The following TENM2 variants were observed in gnomAD, a reference collection of about 807,000 sequenced individuals.
TENM2 encodes the protein teneurin-2.
A neutral mutation model predicts 245.2 loss-of-function variants in TENM2; 52 were observed. The observed-to-expected ratio is 0.21, with a 90% CI of 0.17 to 0.27. The LOEUF (loss-of-function observed/expected upper bound fraction) is 0.27. TENM2 is among the 10% of genes least tolerant of loss of function. TENM2 has a pLI of 1.00. For missense variants in TENM2, 3,046 were observed against 3,666.8 expected (o/e 0.83, Z 4.37); for synonymous variants, 1,363 against 1,438.9 (o/e 0.95, Z 1.19).
chr5:167,621,048 A>T (rs922053612), intron 2 of TENM2, among the ~76,000 whole-genome samples: 2 of 151,990 alleles, frequency 1.3e-5, no homozygotes, highest in Non-Finnish European at 2.9e-5. Flanking sequence ...GACAGGATGG[A>T]AAATACTTTG....
chr5:168,019,183 A>C (rs1785926500), intron 5 of TENM2, among the ~76,000 whole-genome samples: 1 of 152,210 alleles, frequency 6.6e-6, no homozygotes. Flanking sequence ...AAAAGTATAC[A>C]AGGATCTAGG....
chr5:167,652,193 C>A (rs1561639980), intron 2 of TENM2, among the ~76,000 whole-genome samples: 1 of 152,166 alleles, frequency 6.6e-6, no homozygotes, highest in Non-Finnish European at 1.5e-5. Flanking sequence ...ATCTTTGGGA[C>A]TGGAAATTAC....
At chr5:167,145,939 CATT>C in the TENM2 span, among the ~76,000 whole-genome samples, 1 of 152,088 alleles carries the variant, frequency 6.6e-6, no homozygotes, top group South Asian at 2.1e-4. Context: ...TTATTGCTCT[CATT>C]ATTATTATTA....
intron 2 of TENM2, among the ~76,000 whole-genome samples, chr5:167,842,749 GTGCTTTGCT>G (rs1769663844): frequency 6.6e-6 from 1 of 152,164 alleles, no homozygotes; most frequent in African/African-American, 2.4e-5. Flanking sequence ...TACTGAGCAA[GTGCTTTGCT>G]TCCTTGTGGC....
chr5:167,767,298 A>T (rs1469237171), intron 2 of TENM2, among the ~76,000 whole-genome samples: 1 of 152,240 alleles, frequency 6.6e-6, no homozygotes, highest in African/African-American at 2.4e-5. Context: ...ACCAGACATG[A>T]AATGGCAAAT....
chr5:168,044,934 A>C (rs1282825696), intron 5 of TENM2, among the ~76,000 whole-genome samples: 2 of 152,146 alleles, frequency 1.3e-5, no homozygotes, highest in African/African-American at 4.8e-5. Context: ...GCTGATTAAA[A>C]AAAAAAAAAA....
At chr5:167,443,926 G>C (rs6884816) in intron 2 of TENM2, among the ~76,000 whole-genome samples, 129,488 of 152,086 alleles carry the variant, frequency 0.85, 55,505 homozygotes, top group East Asian at 1. Context: ...TTATGATTAC[G>C]CAAAACATCT....
intron 2 of TENM2, among the ~76,000 whole-genome samples, chr5:167,801,222 T>C (rs1291178282): frequency 6.8e-6 from 1 of 147,876 alleles, no homozygotes; most frequent in Non-Finnish European, 1.5e-5. Flanking sequence ...AATTTCATAT[T>C]AGTAAACAAA....
At chr5:168,246,761 T>C (rs2152690550) in exon 27 of TENM2, 6 of 1,613,434 alleles carry the variant, frequency 3.7e-6, no homozygotes, top group Non-Finnish European at 5.1e-6. Context: ...CTGCAGTCCA[T>C]GGTCCTCCTG....
intron 15 of TENM2, among the ~76,000 whole-genome samples, chr5:168,196,988 C>T (rs1761488782): frequency 6.6e-6 from 1 of 152,194 alleles, no homozygotes. Context: ...GTGGAAGTCA[C>T]AGGACGTGCT....
intron 25 of TENM2, chr5:168,229,550 C>T (rs553071951): frequency 2.7e-5 from 4 of 149,060 alleles, no homozygotes; most frequent in South Asian, 2.1e-4. Context: ...AAATAAATAA[C>T]TGCAGAACAA....
intron 2 of TENM2, among the ~76,000 whole-genome samples, chr5:167,556,412 G>A (rs1562051803): frequency 2.2e-5 from 2 of 90,824 alleles, no homozygotes; most frequent in African/African-American, 8.3e-5. Context: ...ATATATGTAT[G>A]TATACTTACA....
chr5:167,078,023 T>C, the TENM2 span, among the ~76,000 whole-genome samples: 14 of 151,984 alleles, frequency 9.2e-5, no homozygotes, highest in Non-Finnish European at 1.8e-4. Context: ...CTGTTTTGAC[T>C]AGAACACTAA....
intron 3 of TENM2, among the ~76,000 whole-genome samples, chr5:167,880,524 C>A (rs28547994): frequency 0.44 from 66,949 of 151,962 alleles, 16,971 homozygotes; most frequent in Non-Finnish European, 0.56. Context: ...AAAGAAGATG[C>A]ATAATACCCC....
At chr5:167,228,970 G>A in the TENM2 span, among the ~76,000 whole-genome samples, 1 of 152,148 alleles carries the variant, frequency 6.6e-6, no homozygotes, top group African/African-American at 2.4e-5. Flanking sequence ...AAAGTGCTGG[G>A]ATTACAGGCG....
the TENM2 span, among the ~76,000 whole-genome samples, chr5:167,227,220 A>G: frequency 6.6e-6 from 1 of 151,558 alleles, no homozygotes; most frequent in African/African-American, 2.4e-5. Flanking sequence ...TATATTGTTC[A>G]TTGTTTTCTA....
chr5:167,229,391 T>A, the TENM2 span, among the ~76,000 whole-genome samples: 2 of 152,252 alleles, frequency 1.3e-5, no homozygotes, highest in East Asian at 3.9e-4. Context: ...GGAATGACAG[T>A]GGTGGGCTGG....
exon 24 of TENM2, chr5:168,226,152 C>G (rs377648955): frequency 6.2e-7 from 1 of 1,613,622 alleles, no homozygotes; most frequent in Admixed American, 1.7e-5. Flanking sequence ...CAGTCTGCAC[C>G]GGGAAATGGA....
At chr5:168,245,760 C>T (rs1562329903) in intron 26 of TENM2, among the ~76,000 whole-genome samples, 1 of 152,130 alleles carries the variant, frequency 6.6e-6, no homozygotes, top group Non-Finnish European at 1.5e-5. Flanking sequence ...GCTGTTACCC[C>T]TCTGCAAGAC....
Sources: gnomAD v4.1 joint callset for allele counts (sites outside exome capture counted in the v4.1 genomes callset) on GRCh38, gnomAD v4.1.1 for gene constraint, MANE v1.5 for transcripts, NCBI Gene and HGNC (gene_info 2026-07-23, HGNC 2026-07-21) for gene names.